Variants in EHMT1 observed in about 807,000 individuals in gnomAD.
The protein encoded by EHMT1 is euchromatic histone lysine methyltransferase 1.
EHMT1 carries 15 observed loss-of-function variants against 147.2 expected under a neutral mutation model. The observed-to-expected ratio is 0.10, with a 90% CI of 0.07 to 0.16. The LOEUF is 0.16. EHMT1 is among the 10% of genes least tolerant of loss of function. The pLI is 1.00. For missense variants in EHMT1, 1,587 were observed against 1,772.4 expected (o/e 0.90, Z 1.88); for synonymous variants, 795 against 709.6 (o/e 1.12, Z -1.91).
chr9:137,764,343 C>T (rs1049627544), intron 10 of EHMT1: 1 of 152,332 alleles, frequency 6.6e-6, no homozygotes, highest in Non-Finnish European at 1.5e-5. Flanking sequence ...GCTTTTCCCA[C>T]CTCTGAGTGT....
At position 137,775,087 on chromosome 9, in the gene EHMT1, C is replaced by G. The variant is rs954106929; in HGVS notation, c.1648-22C>G. On this transcript the variant is annotated intron_variant, in intron 10 of 26. Coordinates refer to ENST00000460843, the MANE Select transcript of EHMT1 (RefSeq NM_024757.5). This position sits in a 1 kb window ranked among gnomAD's most constrained non-coding sequence, Gnocchi z 6.1. ...GGCCTCTCGTGACTCTGACATTGAC[C>G]ACCAGTCTTGTCTGATTGCAGTTGG... 65 of 1,613,902 alleles carry G rather than the reference C, an allele frequency of 4.0e-5. No homozygotes were observed. Among genetic ancestry groups the G allele is most frequent in the Non-Finnish European group, 5.3e-5 (63 of 1,180,014 alleles).
rs147764684 is a variant in EHMT1, at chr9:137,716,947, C to T, written c.407C>T (p.Pro136Leu). 6.2e-7 allele frequency: 1 copy of T among 1,612,934 alleles called. No homozygotes were observed. The highest frequency in any genetic ancestry group is 8.5e-7 in the Non-Finnish European group (1 of 1,179,838). The change falls in exon 3 of 27, where the codon CCC becomes CTC. Residue 136 changes from proline (P) to leucine (L), a missense_variant. This residue lies in a region of EHMT1 where 810 missense variants were observed against 673.0 expected (regional missense o/e 1.20). Transcript: ENST00000460843. ...AATAAGCCGGCCCTACAGGCACAGC[C>T]CTTGAGGACTACCAGCACTCTGGCC... The part of the protein sequence containing the change: ...ILNKPALQAQ[P>L]LRTTSTLASS...
At chr9:137,832,989 G>A (rs200856558) in intron 25 of EHMT1, 2 of 152,316 alleles carry the variant, frequency 1.3e-5, no homozygotes, top group East Asian at 3.9e-4. Flanking sequence ...CCAGGAGGCA[G>A]CTTCCCGCGC....
At chr9:137,638,956 T>A (rs1844285805) in intron 1 of EHMT1, among the ~76,000 whole-genome samples, 1 of 152,218 alleles carries the variant, frequency 6.6e-6, no homozygotes, top group Admixed American at 6.5e-5. Context: ...ATTGTGGACT[T>A]CCAGCCTTCA....
intron 1 of EHMT1, 101 bp downstream of exon 1, chr9:137,619,150 G>C: frequency 3.9e-6 from 1 of 255,850 alleles, no homozygotes; most frequent in Non-Finnish European, 5.9e-6. Flanking sequence ...GGCGGCCGGC[G>C]GGCGGGCGGG....
At chr9:137,818,646 G>A (rs1188752889) in intron 25 of EHMT1, among the ~76,000 whole-genome samples, 8 of 40,704 alleles carry the variant, frequency 2.0e-4, no homozygotes, top group Non-Finnish European at 2.5e-4. Context: ...GCCGTGTACC[G>A]AGACCGTAGA....
At chr9:137,661,982 A>G (rs1361197447) in intron 1 of EHMT1, among the ~76,000 whole-genome samples, 1 of 151,836 alleles carries the variant, frequency 6.6e-6, no homozygotes, top group African/African-American at 2.4e-5. Flanking sequence ...TTATATTTTT[A>G]GTAGAGACGA....
chr9:137,707,711 G>A (rs910620535), intron 1 of EHMT1, among the ~76,000 whole-genome samples: 6 of 152,206 alleles, frequency 3.9e-5, no homozygotes, highest in East Asian at 1.9e-4. Context: ...ACTTAATTTC[G>A]TGGGTAGGAT....
Position 137,619,054 on chromosome 9 carries a change from G to GCAGCGGGGC in EHMT1, c.21+7_21+15dup. 3.2e-6 allele frequency: 3 copies of GCAGCGGGGC among 940,942 alleles called. No homozygotes were observed. The highest frequency in any genetic ancestry group is 3.8e-6 in the Non-Finnish European group (3 of 791,998). 58.3% of individuals were successfully genotyped at this position (940,942 alleles called of 1,614,324 possible). On this transcript the variant is annotated splice_donor_region_variant and intron_variant, in intron 1 of 26. Transcript: ENST00000460843. ...ATGGCCGCCGCCGATGCCGAGGTGA[G>GCAGCGGGGC]CAGCGGGGCCGGCGGGGGGCGGCGC...
chr9:137,811,924 G>A (rs1157800647), intron 19 of EHMT1, among the ~76,000 whole-genome samples: 1 of 152,244 alleles, frequency 6.6e-6, no homozygotes, highest in Non-Finnish European at 1.5e-5. Flanking sequence ...GCTCCCAGCA[G>A]GGACCTGCCA....
chr9:137,691,939 A>G (rs1285848567), intron 1 of EHMT1, among the ~76,000 whole-genome samples: 1 of 152,060 alleles, frequency 6.6e-6, no homozygotes, highest in Non-Finnish European at 1.5e-5. Context: ...TTCCTCTTTT[A>G]ATAGAGGACC....
intron 1 of EHMT1, among the ~76,000 whole-genome samples, chr9:137,675,630 ATT>A (rs61666243): frequency 0.018 from 1,860 of 105,692 alleles, 65 homozygotes; most frequent in African/African-American, 0.068. Context: ...CGCCCGGCTA[ATT>A]TTTTTTTTTT....
chr9:137,647,715 C>T (rs1347448139), intron 1 of EHMT1, among the ~76,000 whole-genome samples: 1 of 151,870 alleles, frequency 6.6e-6, no homozygotes, highest in African/African-American at 2.4e-5. Flanking sequence ...CTGTCTCAGC[C>T]TTCCGAGTAG....
intron 25 of EHMT1, 117 bp downstream of exon 25, chr9:137,818,255 C>A: frequency 1.7e-6 from 2 of 1,176,410 alleles, no homozygotes; most frequent in Non-Finnish European, 2.5e-6. Flanking sequence ...CAAGAGTGGG[C>A]TTGCTATAGA....
At chr9:137,820,717 G>A (rs1955342662) in intron 25 of EHMT1, among the ~76,000 whole-genome samples, 1 of 152,140 alleles carries the variant, frequency 6.6e-6, no homozygotes. Context: ...CACTGCTTGT[G>A]GAGAAGATGT....
At chr9:137,694,017 A>C (rs1259043774) in intron 1 of EHMT1, among the ~76,000 whole-genome samples, 1 of 79,832 alleles carries the variant, frequency 1.3e-5, no homozygotes, top group Non-Finnish European at 2.5e-5. Context: ...GCCAATACCC[A>C]CCAGGCGATG....
chr9:137,782,515 C>G lies in EHMT1; in HGVS notation c.2382+118C>G, dbSNP rs1951638880. ...GTAAGAGTTCCGTAGTGCTGTGAAT[C>G]GGGCACAGAGTCAGCTTTTCTGCCC... On this transcript the variant is annotated intron_variant, in intron 15 of 26. Coordinates refer to ENST00000460843, the MANE Select transcript of EHMT1 (RefSeq NM_024757.5). This position sits in a 1 kb window ranked among gnomAD's most constrained non-coding sequence, Gnocchi z 5.7. The G allele has an allele frequency of 4.1e-6, 4 of 972,930 alleles. No individual in the cohort carries two copies. The highest frequency in any genetic ancestry group is 6.3e-6 in the Non-Finnish European group (4 of 639,248). 60.3% of individuals were successfully genotyped at this position (972,930 alleles called of 1,614,324 possible).
At chr9:137,814,566 C>A in intron 22 of EHMT1, 58 bp downstream of exon 22, 1 of 1,573,764 alleles carries the variant, frequency 6.4e-7, no homozygotes. Context: ...TCCGGGTCTG[C>A]AAAAACAGTG....
At chr9:137,764,659 T>C (rs1342098029) in intron 10 of EHMT1, 5 of 152,264 alleles carry the variant, frequency 3.3e-5, no homozygotes, top group Non-Finnish European at 7.3e-5. Flanking sequence ...TTTCCTGTTA[T>C]TATTTAGTGC....
Sources: allele counts gnomAD v4.1 joint callset (sites outside exome capture counted in the v4.1 genomes callset), GRCh38; gene constraint gnomAD v4.1.1; regional missense constraint gnomAD v4.1.1; non-coding constraint Gnocchi (gnomAD v3.1); transcripts MANE v1.5; gene names NCBI Gene and HGNC (gene_info 2026-07-23, HGNC 2026-07-21).